Variants in ROBO1 observed in about 807,000 individuals in gnomAD.
ROBO1 encodes the protein roundabout homolog 1.
Under a neutral mutation model 195.9 loss-of-function variants are expected in ROBO1, and 149 were observed. The ratio of observed to expected loss-of-function variants is 0.76; its 90% CI spans 0.67 to 0.87. The LOEUF (loss-of-function observed/expected upper bound fraction) is 0.87. Ranked by LOEUF, ROBO1 falls within the 40% of genes least tolerant of loss-of-function variation. ROBO1 has a pLI of 0.00. For synonymous variants in ROBO1, 816 were observed against 733.2 expected, an observed-to-expected ratio of 1.11 and a Z score of -1.82; for missense variants, 1,933 against 2,068.3, an observed-to-expected ratio of 0.93 and a Z score of 1.27.
At chr3:78,703,824 C>CAT (rs138410812) in intron 8 of ROBO1, among the ~76,000 whole-genome samples, 46 of 151,120 alleles carry the variant, frequency 3.0e-4, no homozygotes, top group African/African-American at 7.8e-4. Context: ...CACACACACA[C>CAT]ATATATATAT....
At chr3:79,280,536 T>C (rs1329066919) in intron 2 of ROBO1, among the ~76,000 whole-genome samples, 3 of 152,126 alleles carry the variant, frequency 2.0e-5, no homozygotes, top group African/African-American at 4.8e-5. Flanking sequence ...GGGATTAATG[T>C]GGATATGGAG....
At chr3:78,760,443 A>G (rs533418157) in intron 4 of ROBO1, among the ~76,000 whole-genome samples, 39 of 152,202 alleles carry the variant, frequency 2.6e-4, no homozygotes, top group African/African-American at 9.1e-4. Flanking sequence ...AGGCAGGAGG[A>G]CTGCCTGAGC....
intron 2 of ROBO1, among the ~76,000 whole-genome samples, chr3:79,565,161 A>G (rs1425290268): frequency 6.6e-6 from 1 of 152,116 alleles, no homozygotes; most frequent in Admixed American, 6.6e-5. Context: ...CTAATGGTAG[A>G]AAAAAGCATT....
chr3:79,655,573 G>T (rs1946133507), intron 1 of ROBO1, among the ~76,000 whole-genome samples: 1 of 151,968 alleles, frequency 6.6e-6, no homozygotes, highest in African/African-American at 2.4e-5. Flanking sequence ...AACCTCAAAA[G>T]AATCAAGGAA....
intron 26 of ROBO1, among the ~76,000 whole-genome samples, chr3:78,620,476 C>T (rs1211043114): frequency 1.3e-5 from 2 of 152,098 alleles, no homozygotes; most frequent in Admixed American, 6.5e-5. Context: ...CGTGCCACTG[C>T]ACTGCATCCT....
At chr3:79,126,025 A>C (rs2080209561) in intron 2 of ROBO1, among the ~76,000 whole-genome samples, 1 of 152,194 alleles carries the variant, frequency 6.6e-6, no homozygotes, top group African/African-American at 2.4e-5. Flanking sequence ...GGATGTGGGG[A>C]AAAACAGGTC....
At chr3:78,874,018 T>G (rs961261240) in intron 4 of ROBO1, among the ~76,000 whole-genome samples, 6 of 144,706 alleles carry the variant, frequency 4.1e-5, no homozygotes, top group Non-Finnish European at 7.5e-5. Context: ...AAAGAGAGGA[T>G]TTTTTTTTTA....
intron 4 of ROBO1, among the ~76,000 whole-genome samples, chr3:78,930,898 T>C (rs1245649601): frequency 2.0e-5 from 3 of 152,180 alleles, no homozygotes; most frequent in African/African-American, 7.2e-5. Context: ...CACCCCACCA[T>C]TGCATATTGC....
At chr3:78,764,713 T>C (rs2083186018) in intron 4 of ROBO1, among the ~76,000 whole-genome samples, 1 of 152,144 alleles carries the variant, frequency 6.6e-6, no homozygotes, top group African/African-American at 2.4e-5. Flanking sequence ...TGATACTATA[T>C]CTGTTAGTTT....
At chr3:79,086,268 T>C (rs944325026) in intron 3 of ROBO1, among the ~76,000 whole-genome samples, 11 of 152,066 alleles carry the variant, frequency 7.2e-5, no homozygotes, top group African/African-American at 2.2e-4. Context: ...CATACCACAG[T>C]TCTGCAAGAT....
At chr3:79,061,030 G>T (rs1023025719) in intron 3 of ROBO1, among the ~76,000 whole-genome samples, 1 of 152,072 alleles carries the variant, frequency 6.6e-6, no homozygotes, top group African/African-American at 2.4e-5. Flanking sequence ...TAAATAAAGG[G>T]TATTTGGTTA....
intron 2 of ROBO1, among the ~76,000 whole-genome samples, chr3:79,572,416 C>A (rs1341787739): frequency 6.6e-6 from 1 of 151,652 alleles, no homozygotes; most frequent in Non-Finnish European, 1.5e-5. Context: ...TAAATTTTAC[C>A]TGTATTATAT....
chr3:78,860,912 T>C (rs1180162804), intron 4 of ROBO1, among the ~76,000 whole-genome samples: 3 of 152,194 alleles, frequency 2.0e-5, no homozygotes, highest in Non-Finnish European at 4.4e-5. Context: ...GGATTGCTCT[T>C]ACCCACTAAA....
At chr3:79,249,727 C>A (rs550008870) in intron 2 of ROBO1, among the ~76,000 whole-genome samples, 2 of 152,252 alleles carry the variant, frequency 1.3e-5, no homozygotes, top group South Asian at 2.1e-4. Flanking sequence ...AAGTGTGAGT[C>A]CCATCAGCCT....
chr3:78,701,595 T>C (rs1225912059), intron 8 of ROBO1, among the ~76,000 whole-genome samples: 2 of 152,186 alleles, frequency 1.3e-5, no homozygotes, highest in Non-Finnish European at 2.9e-5. Flanking sequence ...AAGTATATTC[T>C]GGGGGAGTTA....
intron 2 of ROBO1, among the ~76,000 whole-genome samples, chr3:79,232,223 G>A (rs1379595311): frequency 4.1e-5 from 6 of 146,910 alleles, no homozygotes; most frequent in African/African-American, 1.3e-4. Flanking sequence ...AAAGAAAAAG[G>A]AAATTAAGAC....
At chr3:79,760,093 T>C (rs535480528) in intron 1 of ROBO1, among the ~76,000 whole-genome samples, 60 of 150,786 alleles carry the variant, frequency 4.0e-4, no homozygotes, top group African/African-American at 1.4e-3. Context: ...AAAAATTATC[T>C]GGGTGTGGTG....
intron 3 of ROBO1, among the ~76,000 whole-genome samples, chr3:79,015,194 T>C (rs1013381168): frequency 6.6e-6 from 1 of 152,150 alleles, no homozygotes; most frequent in Non-Finnish European, 1.5e-5. Flanking sequence ...TATTCAAGTA[T>C]GTACATTTAA....
chr3:79,176,796 C>G (rs1265200315), intron 2 of ROBO1, among the ~76,000 whole-genome samples: 3 of 152,116 alleles, frequency 2.0e-5, no homozygotes, highest in African/African-American at 7.2e-5. Context: ...ATCTTCCTCC[C>G]TATTCAGAAT....
Sources: allele counts gnomAD v4.1 joint callset (sites outside exome capture counted in the v4.1 genomes callset), GRCh38; gene constraint gnomAD v4.1.1; transcripts MANE v1.5; gene names NCBI Gene and HGNC (gene_info 2026-07-23, HGNC 2026-07-21).